OPCML: variants seen among roughly 807,000 people sequenced by gnomAD.
The protein encoded by OPCML is opioid binding protein/cell adhesion molecule like.
In OPCML, 13 loss-of-function variants were observed where a neutral mutation model predicts 37.8. The observed-to-expected ratio is 0.34, with a 90% CI of 0.22 to 0.55. The LOEUF is 0.55. OPCML is among the 20% of genes least tolerant of loss of function. The pLI, the probability that OPCML is intolerant of heterozygous loss-of-function variation, is 0.91. For synonymous variants in OPCML, 176 were observed against 168.8 expected, an observed-to-expected ratio of 1.04 and a Z score of -0.33; for missense variants, 341 against 435.6, an observed-to-expected ratio of 0.78 and a Z score of 1.93.
chr11:132,935,903 G>A (rs1163860555), intron 2 of OPCML, among the ~76,000 whole-genome samples: 1 of 152,186 alleles, frequency 6.6e-6, no homozygotes, highest in African/African-American at 2.4e-5. Flanking sequence ...GTCTTAGGTT[G>A]CAGGCCCTTT....
At chr11:133,288,298 G>T (rs1942361445) in intron 1 of OPCML, among the ~76,000 whole-genome samples, 1 of 152,158 alleles carries the variant, frequency 6.6e-6, no homozygotes, top group Non-Finnish European at 1.5e-5. Flanking sequence ...GACTTAGCAG[G>T]TTATGCTGGC....
At chr11:133,049,472 T>C (rs934097470) in intron 1 of OPCML, among the ~76,000 whole-genome samples, 1 of 152,234 alleles carries the variant, frequency 6.6e-6, no homozygotes, top group South Asian at 2.1e-4. Context: ...ACTTGACTTC[T>C]ATGGCCCTTA....
At chr11:132,527,928 G>GTAA (rs5795787) in intron 4 of OPCML, among the ~76,000 whole-genome samples, 60,355 of 151,650 alleles carry the variant, frequency 0.4, 14,535 homozygotes, top group Non-Finnish European at 0.55. Flanking sequence ...AGAGATCAGG[G>GTAA]TAATATATTT....
At chr11:132,893,636 C>T (rs575244211) in intron 2 of OPCML, among the ~76,000 whole-genome samples, 5 of 152,220 alleles carry the variant, frequency 3.3e-5, no homozygotes, top group Admixed American at 6.5e-5. Context: ...CTTTGCCAGC[C>T]TCTTATGAAG....
At chr11:133,047,596 T>C (rs1016279026) in intron 1 of OPCML, among the ~76,000 whole-genome samples, 2 of 152,162 alleles carry the variant, frequency 1.3e-5, no homozygotes, top group Non-Finnish European at 1.5e-5. Flanking sequence ...CCCGCAGCTG[T>C]ACACAGACAG....
intron 2 of OPCML, among the ~76,000 whole-genome samples, chr11:132,778,427 G>A (rs935684262): frequency 1.3e-5 from 2 of 152,076 alleles, no homozygotes; most frequent in Non-Finnish European, 2.9e-5. Context: ...AGATTAAAAA[G>A]TAAAAAAATC....
chr11:133,303,784 CAA>C (rs79299582), intron 1 of OPCML, among the ~76,000 whole-genome samples: 4 of 149,218 alleles, frequency 2.7e-5, no homozygotes, highest in African/African-American at 9.9e-5. Flanking sequence ...TTTGTAGAAA[CAA>C]AAAAAAAGGT....
chr11:132,984,543 A>G (rs963727413), intron 1 of OPCML, among the ~76,000 whole-genome samples: 3 of 152,206 alleles, frequency 2.0e-5, no homozygotes, highest in African/African-American at 7.2e-5. Context: ...ATAAAAGGAA[A>G]ACAGGGCTTA....
chr11:132,902,879 G>A (rs970894533), intron 2 of OPCML, among the ~76,000 whole-genome samples: 2 of 151,720 alleles, frequency 1.3e-5, no homozygotes, highest in African/African-American at 4.8e-5. Flanking sequence ...TCTCATAAAG[G>A]CAACTCCGAG....
chr11:133,432,128 A>G (rs1296094452), intron 1 of OPCML, among the ~76,000 whole-genome samples: 5 of 152,112 alleles, frequency 3.3e-5, no homozygotes, highest in African/African-American at 1.2e-4. Flanking sequence ...GAGGATTGAA[A>G]AACCACCTGC....
At chr11:133,444,731 A>T (rs899545775) in intron 1 of OPCML, among the ~76,000 whole-genome samples, 11 of 152,220 alleles carry the variant, frequency 7.2e-5, no homozygotes, top group African/African-American at 7.2e-5. Context: ...ATAACATTTC[A>T]TCATGATATT....
chr11:132,523,152 C>T (rs1295787646), intron 4 of OPCML, among the ~76,000 whole-genome samples: 1 of 152,158 alleles, frequency 6.6e-6, no homozygotes, highest in Admixed American at 6.5e-5. Context: ...GGTGATCCGC[C>T]CATCTCAGCC....
At chr11:132,964,554 T>C (rs1463540546) in intron 1 of OPCML, among the ~76,000 whole-genome samples, 1 of 152,158 alleles carries the variant, frequency 6.6e-6, no homozygotes, top group Non-Finnish European at 1.5e-5. Context: ...ATAAAATGTC[T>C]AGAAACGTTT....
chr11:133,513,172 A>T lies in OPCML; in HGVS notation c.61+19092T>A, dbSNP rs1412381611. Among the ~76,000 whole-genome samples the T allele has an allele frequency of 7.9e-5, 8 of 101,340 alleles. 1 individual carries two copies. The South Asian group carries it at 1.3e-3, about 17-fold the overall frequency. The allele number at this position is 101,340 out of a possible 152,430, so 66.5% of individuals were successfully genotyped here. A position where few individuals can be genotyped will look rare whatever the true frequency, so the allele number is the denominator to read the frequency against. On this transcript the variant is annotated intron_variant, in intron 1 of 7. Transcript: ENST00000524381. ...ATAATGTGAGAAGCCCCAAACATTT[A>T]AAAAAAAAATGGTTTCTCACACCTT... is the stretch of plus-strand genomic sequence containing the variant.
rs568861333 is a variant in OPCML, at chr11:132,587,415, A to G, written c.380-58229T>C. Among the ~76,000 whole-genome samples the G allele has an allele frequency of 2.0e-5, 3 of 152,296 alleles. No homozygotes were observed. The South Asian group carries it at 6.2e-4, about 32-fold the overall frequency. On this transcript the variant is annotated intron_variant, in intron 3 of 7. Transcript: ENST00000524381. ...AGATTGGGCAGCCCAACAGCAAAAC[A>G]TCAGAAGATTAGGCAAAGCCATAGT...
intron 2 of OPCML, among the ~76,000 whole-genome samples, chr11:132,670,827 G>A (rs1942443201): frequency 6.6e-6 from 1 of 152,118 alleles, no homozygotes; most frequent in African/African-American, 2.4e-5. Flanking sequence ...CTACTAAAGA[G>A]TAATGATACC....
chr11:133,089,596 C>G (rs1948873359), intron 1 of OPCML, among the ~76,000 whole-genome samples: 1 of 152,130 alleles, frequency 6.6e-6, no homozygotes, highest in South Asian at 2.1e-4. Flanking sequence ...TTTAGTTGTT[C>G]TGGGAGTCAC....
At chr11:133,249,354 C>T (rs59485080) in intron 1 of OPCML, among the ~76,000 whole-genome samples, 1 of 152,164 alleles carries the variant, frequency 6.6e-6, no homozygotes, top group East Asian at 1.9e-4. Context: ...CTGGTGAGAA[C>T]TAAAAGAGTG....
intron 1 of OPCML, among the ~76,000 whole-genome samples, chr11:133,141,033 C>CGAAGAAGAAGAA (rs1399038604): frequency 7.4e-4 from 4 of 5,388 alleles, no homozygotes; most frequent in African/African-American, 1.3e-3. Context: ...ACGACGACGA[C>CGAAGAAGAAGAA]GACGACGACG....
Sources: gnomAD v4.1 joint callset for allele counts (sites outside exome capture counted in the v4.1 genomes callset) on GRCh38, gnomAD v4.1.1 for gene constraint, MANE v1.5 for transcripts, NCBI Gene and HGNC (gene_info 2026-07-23, HGNC 2026-07-21) for gene names.